The following RFC3 variants were observed in gnomAD, a reference collection of about 807,000 sequenced individuals.
RFC3 encodes A1 38 kDa subunit.
RFC3 carries 41 observed loss-of-function variants against 45.1 expected under a neutral mutation model. The ratio of observed to expected loss-of-function variants is 0.91; its 90% CI spans 0.71 to 1.18. The LOEUF (loss-of-function observed/expected upper bound fraction) is 1.18, where lower values mean the gene tolerates loss of function less well. Among genes scored for constraint, RFC3 ranks in the 50% most tolerant of loss-of-function variants. The pLI, the probability that RFC3 is intolerant of heterozygous loss-of-function variation, is 0.00. For synonymous variants in RFC3, 149 were observed against 144.0 expected (o/e 1.03, Z -0.25); for missense variants, 423 against 428.1 (o/e 0.99, Z 0.10).
chr13:33,936,257 G>A (rs180745853), intron 8 of RFC3, among the ~76,000 whole-genome samples: 2 of 152,202 alleles, frequency 1.3e-5, no homozygotes, highest in East Asian at 1.9e-4. Flanking sequence ...ACTATCAGGT[G>A]GGCACAGTGG....
chr13:33,863,308 T>G (rs898567381), intron 8 of RFC3, among the ~76,000 whole-genome samples: 1 of 152,164 alleles, frequency 6.6e-6, no homozygotes, highest in African/African-American at 2.4e-5. Context: ...TATTTCTGTC[T>G]CTGGGTTTAA....
intron 8 of RFC3, among the ~76,000 whole-genome samples, chr13:33,877,716 T>C (rs1043437998): frequency 3.4e-5 from 5 of 148,406 alleles, no homozygotes; most frequent in African/African-American, 1.2e-4. Flanking sequence ...AATAAGTTTA[T>C]ATATAATATA....
intron 8 of RFC3, among the ~76,000 whole-genome samples, chr13:33,892,413 A>ATCTTATAT (rs2137638130): frequency 6.6e-6 from 1 of 152,334 alleles, no homozygotes; most frequent in South Asian, 2.1e-4. Flanking sequence ...GCCTGAAAAC[A>ATCTTATAT]TCTTATATCC....
At chr13:33,926,688 A>G (rs897290599) in intron 8 of RFC3, among the ~76,000 whole-genome samples, 1 of 151,648 alleles carries the variant, frequency 6.6e-6, no homozygotes, top group African/African-American at 2.4e-5. Context: ...GTGGTACTCT[A>G]TAGTCACCAT....
At position 33,836,271 on chromosome 13, in the gene RFC3, T is replaced by A; in HGVS notation, c.1047T>A (p.Asp349Glu). ...CACTTTATAAGAAGTTCATGGAGGA[T>A]GGATTGGAAGGCATGATGTTCTGAC... ...FMALYKKFME[D>E]GLEGMMF The change falls in exon 9 of 9, where the codon GAT becomes GAA. Residue 349 changes from aspartate to glutamate, a missense_variant. By Grantham distance (45) the Asp-to-Glu change is conservative (BLOSUM62 2). Coordinates refer to ENST00000380071, the MANE Select transcript of RFC3 (RefSeq NM_002915.4). The A allele has an allele frequency of 6.2e-7, 1 of 1,613,204 alleles. No homozygotes were observed. Among genetic ancestry groups the A allele is most frequent in the Non-Finnish European group, 8.5e-7 (1 of 1,179,310 alleles).
chr13:33,957,324 T>G (rs2083028100), intron 8 of RFC3, among the ~76,000 whole-genome samples: 1 of 152,230 alleles, frequency 6.6e-6, no homozygotes, highest in African/African-American at 2.4e-5. Flanking sequence ...TATAAAGTAT[T>G]AGTTATTCCA....
chr13:33,929,800 G>T (rs2082840504), intron 8 of RFC3, among the ~76,000 whole-genome samples: 1 of 151,844 alleles, frequency 6.6e-6, no homozygotes, highest in South Asian at 2.1e-4. Context: ...TTGACAATTG[G>T]ATTATTTCCA....
At chr13:33,857,622 T>C (rs542558356) in intron 8 of RFC3, among the ~76,000 whole-genome samples, 1 of 152,320 alleles carries the variant, frequency 6.6e-6, no homozygotes, top group South Asian at 2.1e-4. Flanking sequence ...CATTTTCTCC[T>C]CTTTTGTTTG....
chr13:33,964,697 G>A (rs933594148), intron 8 of RFC3, among the ~76,000 whole-genome samples: 1 of 152,196 alleles, frequency 6.6e-6, no homozygotes, highest in Non-Finnish European at 1.5e-5. Context: ...ATAGTATGAT[G>A]TTCTGGGTAA....
At chr13:33,851,431 G>A (rs529027631) in intron 8 of RFC3, among the ~76,000 whole-genome samples, 1 of 152,208 alleles carries the variant, frequency 6.6e-6, no homozygotes, top group Admixed American at 6.5e-5. Context: ...TTTGTATGTC[G>A]TGTATATTAC....
At chr13:33,953,222 G>A (rs2083001062) in intron 8 of RFC3, among the ~76,000 whole-genome samples, 1 of 150,972 alleles carries the variant, frequency 6.6e-6, no homozygotes, top group Non-Finnish European at 1.5e-5. Flanking sequence ...GGAAGGGTTT[G>A]TGAATATTCT....
At chr13:33,885,776 A>C (rs1361570351) in intron 8 of RFC3, among the ~76,000 whole-genome samples, 2 of 152,214 alleles carry the variant, frequency 1.3e-5, no homozygotes, top group Admixed American at 1.3e-4. Flanking sequence ...CTGGAGACCA[A>C]AAGTCATAAT....
chr13:33,823,172 T>G (rs2082018684), intron 2 of RFC3, among the ~76,000 whole-genome samples: 1 of 152,120 alleles, frequency 6.6e-6, no homozygotes, highest in African/African-American at 2.4e-5. Flanking sequence ...GGGAAGAGTG[T>G]TGCCAGTGGA....
chr13:33,846,290 C>G (rs1017591040), intron 8 of RFC3: 2 of 152,212 alleles, frequency 1.3e-5, no homozygotes, highest in African/African-American at 4.8e-5. Context: ...TGATGTTTTT[C>G]AAGGCCCAAG....
At chr13:33,825,325 T>C (rs1293604920) in intron 3 of RFC3, among the ~76,000 whole-genome samples, 1 of 151,874 alleles carries the variant, frequency 6.6e-6, no homozygotes, top group Non-Finnish European at 1.5e-5. Context: ...ATTCTAGTGC[T>C]GGGAGCAGAC....
At chr13:33,923,251 A>G (rs923789485) in intron 8 of RFC3, among the ~76,000 whole-genome samples, 2 of 152,134 alleles carry the variant, frequency 1.3e-5, no homozygotes, top group Non-Finnish European at 1.5e-5. Flanking sequence ...CCAAAGAGAC[A>G]GCCGATCTTG....
At chr13:33,899,719 T>C (rs1022991314) in intron 8 of RFC3, among the ~76,000 whole-genome samples, 27 of 151,890 alleles carry the variant, frequency 1.8e-4, no homozygotes, top group Non-Finnish European at 3.4e-4. Flanking sequence ...AGCATCCTAA[T>C]TGGGAAAAAG....
chr13:33,851,677 G>A (rs1593638028), intron 8 of RFC3, among the ~76,000 whole-genome samples: 2 of 152,082 alleles, frequency 1.3e-5, no homozygotes, highest in Non-Finnish European at 2.9e-5. Context: ...GACCCATGCA[G>A]TTCAAACCCA....
chr13:33,885,718 T>C (rs1296938196), intron 8 of RFC3, among the ~76,000 whole-genome samples: 1 of 152,218 alleles, frequency 6.6e-6, no homozygotes, highest in Non-Finnish European at 1.5e-5. Flanking sequence ...AGTGCAGTTT[T>C]AGAAGAAACA....
Sources: allele counts gnomAD v4.1 joint callset (sites outside exome capture counted in the v4.1 genomes callset), GRCh38; gene constraint gnomAD v4.1.1; transcripts MANE v1.5; gene names NCBI Gene and HGNC (gene_info 2026-07-23, HGNC 2026-07-21).